The following FSTL5 variants were observed in gnomAD, a reference collection of about 807,000 sequenced individuals.
FSTL5 encodes follistatin-related protein 5.
A neutral mutation model predicts 89.1 loss-of-function variants in FSTL5; 62 were observed. That is an observed-to-expected ratio of 0.70 (90% CI 0.57 to 0.86). FSTL5 has a LOEUF of 0.86. Among genes scored for constraint, FSTL5 ranks in the 40% least tolerant of loss-of-function variants. FSTL5 has a pLI of 0.00. For missense variants in FSTL5, 1,057 were observed against 1,001.6 expected, an observed-to-expected ratio of 1.06 and a Z score of -0.75; for synonymous variants, 383 against 346.2, an observed-to-expected ratio of 1.11 and a Z score of -1.18.
intron 6 of FSTL5, among the ~76,000 whole-genome samples, chr4:161,687,073 G>C (rs2126715362): frequency 6.6e-6 from 1 of 152,112 alleles, no homozygotes; most frequent in African/African-American, 2.4e-5. Flanking sequence ...GGGCCTCATT[G>C]CTTTAAATTG....
chr4:161,811,305 C>T (rs1489436239), intron 4 of FSTL5, among the ~76,000 whole-genome samples: 1 of 152,138 alleles, frequency 6.6e-6, no homozygotes, highest in Admixed American at 6.5e-5. Flanking sequence ...TAAAAATATA[C>T]AAATCATATG....
rs79785038 is a variant in FSTL5 at position 162,124,643 on chromosome 4, G to A, written c.-16-13231C>T. On this transcript the variant is annotated intron_variant, in intron 1 of 15. Transcript: ENST00000306100. ...GAGAGCAGCCAAAATAATACTGAAC[G>A]CTGGCTGGAGACTCTATCAAAACAT... Among the ~76,000 whole-genome samples, 32 of 152,196 alleles carry A rather than the reference G, an allele frequency of 2.1e-4. No homozygotes were observed. The East Asian group carries it at 5.4e-3, about 26-fold the overall frequency.
At chr4:161,945,064 T>C (rs1410244449) in intron 3 of FSTL5, among the ~76,000 whole-genome samples, 1 of 152,138 alleles carries the variant, frequency 6.6e-6, no homozygotes, top group Non-Finnish European at 1.5e-5. Context: ...TCAGGTAGTA[T>C]ACACTGGATG....
intron 1 of FSTL5, among the ~76,000 whole-genome samples, chr4:162,153,587 CTA>C (rs1465982970): frequency 1.4e-5 from 2 of 138,440 alleles, no homozygotes; most frequent in Admixed American, 7.6e-5. Context: ...CTTAAAATAA[CTA>C]TATATATGTG....
At chr4:161,474,545 G>A (rs201381852) in intron 13 of FSTL5, among the ~76,000 whole-genome samples, 6,930 of 144,582 alleles carry the variant, frequency 0.048, 267 homozygotes, top group Non-Finnish European at 0.07. Context: ...TTGTGTAGTG[G>A]TTTTTTTTTT....
chr4:161,477,482 T>A (rs1214174804), intron 13 of FSTL5, among the ~76,000 whole-genome samples: 1 of 150,866 alleles, frequency 6.6e-6, no homozygotes, highest in African/African-American at 2.4e-5. Context: ...GACCAAAATA[T>A]TAACTTCTCC....
intron 11 of FSTL5, among the ~76,000 whole-genome samples, chr4:161,506,820 T>C (rs1383804919): frequency 6.6e-6 from 1 of 152,212 alleles, no homozygotes; most frequent in East Asian, 1.9e-4. Flanking sequence ...CTTTGTTGTA[T>C]AATTTCACTA....
rs1190108914 is a variant in FSTL5, at chr4:161,853,272, G to GTTGTTT, written c.409+67131_409+67132insAAACAA. Among the ~76,000 whole-genome samples the GTTGTTT allele has an allele frequency of 2.6e-5, 4 of 152,116 alleles. No individual in the cohort carries two copies. In the East Asian group the frequency reaches 7.8e-4, roughly 30 times the overall value. On this transcript the variant is annotated intron_variant, in intron 4 of 15. Coordinates refer to ENST00000306100, the MANE Select transcript of FSTL5 (RefSeq NM_020116.5). ...GTTAAGTGACTTGTTTGTTGTTGTT[G>GTTGTTT]TTGTTGTTGTTTTGAGATGAAGTCT...
intron 4 of FSTL5, among the ~76,000 whole-genome samples, chr4:161,829,882 C>G (rs1730789913): frequency 6.6e-6 from 1 of 151,962 alleles, no homozygotes; most frequent in Non-Finnish European, 1.5e-5. Context: ...GCATCAATGA[C>G]AAGGAACAAA....
intron 4 of FSTL5, among the ~76,000 whole-genome samples, chr4:161,912,796 T>C (rs1733733152): frequency 1.3e-5 from 2 of 152,152 alleles, no homozygotes; most frequent in South Asian, 4.1e-4. Context: ...TGGGAAAGTT[T>C]GGAAACTCCT....
chr4:161,996,169 T>C (rs1354809722), intron 3 of FSTL5, among the ~76,000 whole-genome samples: 1 of 152,192 alleles, frequency 6.6e-6, no homozygotes, highest in East Asian at 1.9e-4. Flanking sequence ...AGAACTGAAA[T>C]TCAAAGACAT....
chr4:161,887,382 C>G (rs1202003552), intron 4 of FSTL5, among the ~76,000 whole-genome samples: 1 of 134,800 alleles, frequency 7.4e-6, no homozygotes, highest in Admixed American at 7.5e-5. Context: ...TTTGTATTAT[C>G]TCTATCTATC....
intron 3 of FSTL5, among the ~76,000 whole-genome samples, chr4:161,970,815 A>C (rs879876552): frequency 9.9e-5 from 15 of 152,094 alleles, no homozygotes; most frequent in Non-Finnish European, 2.1e-4. Context: ...TGCAAAAAAA[A>C]ATTTTCAATA....
intron 3 of FSTL5, among the ~76,000 whole-genome samples, chr4:161,990,152 C>T (rs1736071390): frequency 6.6e-6 from 1 of 152,088 alleles, no homozygotes; most frequent in Non-Finnish European, 1.5e-5. Context: ...TCTATCTAAA[C>T]TAGTGGTGCT....
intron 6 of FSTL5, among the ~76,000 whole-genome samples, chr4:161,685,015 C>T (rs1421578463): frequency 6.6e-6 from 1 of 152,198 alleles, no homozygotes; most frequent in South Asian, 2.1e-4. Context: ...GTCCTTTCCC[C>T]TTTTTATTTT....
chr4:161,772,515 T>C (rs1045688672), intron 5 of FSTL5, among the ~76,000 whole-genome samples: 3 of 152,124 alleles, frequency 2.0e-5, no homozygotes, highest in South Asian at 2.1e-4. Flanking sequence ...GATACAAAAT[T>C]AATGTACACA....
intron 6 of FSTL5, among the ~76,000 whole-genome samples, chr4:161,666,573 G>C (rs1274447158): frequency 1.3e-5 from 2 of 152,072 alleles, no homozygotes; most frequent in Non-Finnish European, 2.9e-5. Context: ...CATAGAAAAG[G>C]CGGAGAGTTT....
intron 3 of FSTL5, among the ~76,000 whole-genome samples, chr4:162,030,470 A>G (rs1737478036): frequency 6.6e-6 from 1 of 152,120 alleles, no homozygotes; most frequent in Admixed American, 6.6e-5. Context: ...TATAACTGGA[A>G]ATGAAAAAAA....
chr4:161,835,084 G>A (rs1458999658), intron 4 of FSTL5, among the ~76,000 whole-genome samples: 1 of 146,862 alleles, frequency 6.8e-6, no homozygotes, highest in African/African-American at 2.6e-5. Context: ...AAAACAGCAT[G>A]GTACTGGTAC....
Sources: gnomAD v4.1 joint callset for allele counts (sites outside exome capture counted in the v4.1 genomes callset) on GRCh38, gnomAD v4.1.1 for gene constraint, MANE v1.5 for transcripts, NCBI Gene and HGNC (gene_info 2026-07-23, HGNC 2026-07-21) for gene names.